Variants in NELL2 observed in about 807,000 individuals in gnomAD.
NELL2 encodes protein kinase C-binding protein NELL2.
NELL2 carries 41 observed loss-of-function variants against 109.6 expected under a neutral mutation model. The ratio of observed to expected loss-of-function variants is 0.37; its 90% CI spans 0.29 to 0.49. The LOEUF is 0.49. Ranked by LOEUF, NELL2 falls within the 20% of genes least tolerant of loss-of-function variation. The pLI is 0.98. For synonymous variants in NELL2, 355 were observed against 344.7 expected (o/e 1.03, Z -0.33); for missense variants, 900 against 1,008.3 (o/e 0.89, Z 1.45).
chr12:44,581,976 T>C (rs961810191), intron 15 of NELL2, among the ~76,000 whole-genome samples: 3 of 152,186 alleles, frequency 2.0e-5, no homozygotes, highest in African/African-American at 7.2e-5. Context: ...ATGCCAGGCA[T>C]TCTTGAGCAG....
chr12:44,599,180 A>G (rs1036136614), intron 15 of NELL2, among the ~76,000 whole-genome samples: 18 of 152,216 alleles, frequency 1.2e-4, no homozygotes, highest in Admixed American at 1.0e-3. Context: ...CAATGAAGAT[A>G]ATAAGGTCAG....
chr12:44,662,447 T>G (rs1259683086), intron 13 of NELL2, among the ~76,000 whole-genome samples: 2 of 152,194 alleles, frequency 1.3e-5, no homozygotes, highest in Non-Finnish European at 2.9e-5. Flanking sequence ...CCCCCTTTGC[T>G]TCTCACTAGA....
At chr12:44,528,536 A>T (rs1252358210) in intron 16 of NELL2, among the ~76,000 whole-genome samples, 1 of 152,232 alleles carries the variant, frequency 6.6e-6, no homozygotes, top group African/African-American at 2.4e-5. Context: ...TAATGAAGAG[A>T]TTAGCTATCT....
At chr12:44,569,392 T>G (rs1018110450) in intron 15 of NELL2, among the ~76,000 whole-genome samples, 10 of 152,162 alleles carry the variant, frequency 6.6e-5, no homozygotes, top group African/African-American at 2.2e-4. Context: ...CCTTTGGATA[T>G]ATGCCCAATA....
intron 19 of NELL2, among the ~76,000 whole-genome samples, chr12:44,510,636 C>T (rs1376170743): frequency 6.6e-6 from 1 of 152,190 alleles, no homozygotes; most frequent in African/African-American, 2.4e-5. Context: ...TCTTTTCTAA[C>T]TTATTATTAA....
At chr12:44,912,707 G>A (rs1026087649) in intron 1 of NELL2, among the ~76,000 whole-genome samples, 5 of 152,028 alleles carry the variant, frequency 3.3e-5, no homozygotes, top group African/African-American at 9.7e-5. Flanking sequence ...AAAAGTCCAC[G>A]AGCCTTATAA....
At chr12:44,620,814 T>C (rs890345668) in intron 13 of NELL2, among the ~76,000 whole-genome samples, 1 of 152,148 alleles carries the variant, frequency 6.6e-6, no homozygotes, top group Non-Finnish European at 1.5e-5. Flanking sequence ...AAATAGCTCT[T>C]GTTTGGATTA....
At chr12:44,679,511 T>C (rs1166371479) in intron 12 of NELL2, among the ~76,000 whole-genome samples, 1 of 152,110 alleles carries the variant, frequency 6.6e-6, no homozygotes, top group Admixed American at 6.5e-5. Flanking sequence ...TTCATATGCA[T>C]TGTATGTTAA....
At chr12:44,630,496 CAT>C (rs1946415679) in intron 13 of NELL2, among the ~76,000 whole-genome samples, 1 of 152,100 alleles carries the variant, frequency 6.6e-6, no homozygotes, top group Non-Finnish European at 1.5e-5. Context: ...GAAAAGTAAA[CAT>C]GTTACCCCTT....
intron 2 of NELL2, among the ~76,000 whole-genome samples, chr12:44,867,254 C>T (rs1249243642): frequency 6.6e-6 from 1 of 152,148 alleles, no homozygotes; most frequent in African/African-American, 2.4e-5. Context: ...AAACCAAACT[C>T]AACAGCACAT....
chr12:44,545,355 C>A (rs1057460185), intron 15 of NELL2, among the ~76,000 whole-genome samples: 6 of 151,968 alleles, frequency 3.9e-5, no homozygotes, highest in African/African-American at 1.4e-4. Flanking sequence ...GGAGGAAATC[C>A]TTTTAAGAAA....
At chr12:44,544,453 C>T (rs1243697191) in intron 15 of NELL2, among the ~76,000 whole-genome samples, 1 of 152,034 alleles carries the variant, frequency 6.6e-6, no homozygotes, top group Non-Finnish European at 1.5e-5. Flanking sequence ...TGGTATGGTG[C>T]TAGTCATATG....
chr12:44,690,141 G>T (rs77271390), intron 12 of NELL2, among the ~76,000 whole-genome samples: 4 of 152,096 alleles, frequency 2.6e-5, no homozygotes, highest in Non-Finnish European at 5.9e-5. Flanking sequence ...CAATATTAAG[G>T]TTGTGTCCAG....
rs138331074 is a variant in NELL2 at position 44,712,900 on chromosome 12, G to T, written c.1087-1506C>A. Among the ~76,000 whole-genome samples the T allele has an allele frequency of 3.5e-3, 525 of 151,844 alleles. 1 individual carries two copies. Among genetic ancestry groups the T allele is most frequent in the African/African-American group, 0.012 (491 of 41,444 alleles). On this transcript the variant is annotated intron_variant, in intron 10 of 19. Transcript: ENST00000429094. Reference sequence around the variant, plus strand: ...AAAAAACTAGTCCAATAAAAATTACGTTTGTGGCTTGCATCATATTTCTAT... The same window carrying T: ...AAAAAACTAGTCCAATAAAAATTACTTTTGTGGCTTGCATCATATTTCTAT...
intron 15 of NELL2, among the ~76,000 whole-genome samples, chr12:44,555,445 G>A (rs1410058229): frequency 6.6e-6 from 1 of 152,052 alleles, no homozygotes; most frequent in East Asian, 1.9e-4. Flanking sequence ...AATAAACATT[G>A]AGTGGAAGAA....
At chr12:44,914,576 A>G (rs1027620660), upstream of NELL2, among the ~76,000 whole-genome samples, 1 of 152,160 alleles carries the variant, frequency 6.6e-6, no homozygotes, top group African/African-American at 2.4e-5. Flanking sequence ...TTTCATATTT[A>G]TCTCATTGTG....
At chr12:44,775,246 C>T (rs187173583) in intron 8 of NELL2, among the ~76,000 whole-genome samples, 4 of 148,256 alleles carry the variant, frequency 2.7e-5, no homozygotes, top group South Asian at 4.2e-4. Flanking sequence ...CATGCATGTG[C>T]GTGCGCACGC....
intron 9 of NELL2, among the ~76,000 whole-genome samples, chr12:44,743,517 G>A (rs1406676262): frequency 7.9e-6 from 1 of 127,120 alleles, no homozygotes; most frequent in South Asian, 2.6e-4. Context: ...AAATTGGATA[G>A]AGTCAAGACC....
At chr12:44,878,602 A>G (rs1566586124), upstream of NELL2, among the ~76,000 whole-genome samples, 1 of 152,174 alleles carries the variant, frequency 6.6e-6, no homozygotes, top group Non-Finnish European at 1.5e-5. Flanking sequence ...TTTTGACTAT[A>G]TCTCTTTGTG....
Sources: allele counts gnomAD v4.1 joint callset (sites outside exome capture counted in the v4.1 genomes callset), GRCh38; gene constraint gnomAD v4.1.1; transcripts MANE v1.5; gene names NCBI Gene and HGNC (gene_info 2026-07-23, HGNC 2026-07-21).